The following PPFIA2 variants were observed in gnomAD, a reference collection of about 807,000 sequenced individuals.
PPFIA2 encodes the protein liprin-alpha-2.
Under a neutral mutation model 175.5 loss-of-function variants are expected in PPFIA2, and 46 were observed. The ratio of observed to expected loss-of-function variants is 0.26; its 90% confidence interval spans 0.21 to 0.34. The LOEUF is 0.34. PPFIA2 is among the 10% of genes least tolerant of loss of function. The pLI, the probability that PPFIA2 is intolerant of heterozygous loss-of-function variation, is 1.00. For missense variants in PPFIA2, 1,179 were observed against 1,506.1 expected, an observed-to-expected ratio of 0.78 and a Z score of 3.60; for synonymous variants, 568 against 511.4, an observed-to-expected ratio of 1.11 and a Z score of -1.49.
intron 4 of PPFIA2, among the ~76,000 whole-genome samples, chr12:81,551,683 C>T (rs1027375809): frequency 6.6e-6 from 1 of 151,792 alleles, no homozygotes; most frequent in African/African-American, 2.4e-5. Context: ...TTTATAGTTA[C>T]TTATTTGTGT....
chr12:81,318,703 A>G (rs2052979646), intron 22 of PPFIA2, among the ~76,000 whole-genome samples: 1 of 151,648 alleles, frequency 6.6e-6, no homozygotes, highest in Admixed American at 6.6e-5. Flanking sequence ...CCCTTTGGTT[A>G]TTTGTCTTTA....
At chr12:81,462,991 T>C (rs1215992245) in intron 4 of PPFIA2, among the ~76,000 whole-genome samples, 1 of 152,070 alleles carries the variant, frequency 6.6e-6, no homozygotes, top group East Asian at 1.9e-4. Context: ...TTAACTAATA[T>C]GGTATTTCTC....
intron 4 of PPFIA2, among the ~76,000 whole-genome samples, chr12:81,479,417 C>A (rs765505639): frequency 1.3e-5 from 2 of 152,044 alleles, no homozygotes; most frequent in Non-Finnish European, 2.9e-5. Context: ...GGGCATTTAG[C>A]CTTTACATTT....
intron 11 of PPFIA2, among the ~76,000 whole-genome samples, chr12:81,371,790 T>C (rs1275193806): frequency 6.6e-6 from 1 of 151,792 alleles, no homozygotes; most frequent in African/African-American, 2.4e-5. Context: ...GTAATCTTTA[T>C]TGGTTAATTG....
At chr12:81,318,632 G>A (rs962115838) in intron 22 of PPFIA2, among the ~76,000 whole-genome samples, 2 of 151,712 alleles carry the variant, frequency 1.3e-5, no homozygotes, top group Non-Finnish European at 3.0e-5. Context: ...AATCATGTGT[G>A]AAAGTGCTGG....
intron 4 of PPFIA2, among the ~76,000 whole-genome samples, chr12:81,574,204 T>C (rs887475052): frequency 5.9e-5 from 9 of 151,926 alleles, no homozygotes; most frequent in South Asian, 4.1e-4. Context: ...GAAGGTTGCA[T>C]GCCACTCCTT....
chr12:81,676,765 T>A, intron 4 of PPFIA2, 26 bp downstream of exon 4: 1 of 1,516,964 alleles, frequency 6.6e-7, no homozygotes, highest in Non-Finnish European at 8.9e-7. Flanking sequence ...CATCAATAGT[T>A]AAATTTAATG....
At chr12:81,279,750 C>T (rs1040588233) in intron 27 of PPFIA2, among the ~76,000 whole-genome samples, 40 of 151,862 alleles carry the variant, frequency 2.6e-4, no homozygotes, top group Non-Finnish European at 7.4e-5. Flanking sequence ...TAGTGAAGAA[C>T]GGAAAAACCG....
intron 4 of PPFIA2, among the ~76,000 whole-genome samples, chr12:81,617,286 TCACATTTATCCAAGATCCA>T (rs2061503592): frequency 2.0e-5 from 3 of 152,208 alleles, no homozygotes; most frequent in African/African-American, 7.2e-5. Flanking sequence ...AATTATCTTT[TCACATTTATCCAAGATCCA>T]GCTCCAGTGT....
intron 7 of PPFIA2, among the ~76,000 whole-genome samples, chr12:81,413,295 G>T (rs2044336524): frequency 6.6e-6 from 1 of 151,536 alleles, no homozygotes; most frequent in Non-Finnish European, 1.5e-5. Context: ...ATGAGGAGTT[G>T]GAAAAATTGG....
chr12:81,709,589 A>AT (rs1479080382), intron 3 of PPFIA2, among the ~76,000 whole-genome samples: 43 of 152,008 alleles, frequency 2.8e-4, no homozygotes, highest in Admixed American at 6.6e-5. Context: ...TACAAAGTTA[A>AT]TTTTTTTGCT....
At chr12:81,305,160 C>T (rs1013643501) in intron 22 of PPFIA2, among the ~76,000 whole-genome samples, 4 of 152,028 alleles carry the variant, frequency 2.6e-5, no homozygotes, top group African/African-American at 7.2e-5. Flanking sequence ...CTCTTTGAGA[C>T]TTAATTTTCC....
Position 81,684,588 on chromosome 12 carries a change from T to A in PPFIA2, c.250-7744A>T, listed in dbSNP as rs1006206208. ...TGTGTCTTATTTTTGTATAACTGTATCACTTTGAAAGCATGGCTGAAAGCA... is the reference window on the plus strand; with the variant it reads ...TGTGTCTTATTTTTGTATAACTGTAACACTTTGAAAGCATGGCTGAAAGCA... On this transcript the variant is annotated intron_variant, in intron 3 of 32. Transcript: ENST00000549396. 5.9e-5 allele frequency among the ~76,000 whole-genome samples: 9 copies of A among 152,158 alleles called. 1 individual carries two copies. In the East Asian group the frequency reaches 1.5e-3, roughly 26 times the overall value.
intron 8 of PPFIA2, among the ~76,000 whole-genome samples, chr12:81,385,353 A>G (rs1018042827): frequency 2.0e-5 from 3 of 152,168 alleles, no homozygotes; most frequent in African/African-American, 7.2e-5. Context: ...ACTTCTGGGT[A>G]TATAACCAAA....
intron 4 of PPFIA2, among the ~76,000 whole-genome samples, chr12:81,596,080 T>C (rs753030516): frequency 1.2e-4 from 18 of 152,122 alleles, no homozygotes; most frequent in Non-Finnish European, 2.5e-4. Context: ...TTTGTTTTTA[T>C]AGCATTTCAA....
chr12:81,288,956 G>A (rs970694146), intron 24 of PPFIA2, among the ~76,000 whole-genome samples: 1 of 151,774 alleles, frequency 6.6e-6, no homozygotes, highest in Non-Finnish European at 1.5e-5. Flanking sequence ...CTAAAAGAAT[G>A]CTATAAAAAG....
At chr12:81,632,506 T>G (rs1435677596) in intron 4 of PPFIA2, among the ~76,000 whole-genome samples, 1 of 152,110 alleles carries the variant, frequency 6.6e-6, no homozygotes, top group Non-Finnish European at 1.5e-5. Flanking sequence ...AATGCAAAAG[T>G]AGTTTGCAAA....
At chr12:81,274,959 A>C (rs2040139569) in intron 28 of PPFIA2, among the ~76,000 whole-genome samples, 1 of 152,200 alleles carries the variant, frequency 6.6e-6, no homozygotes, top group African/African-American at 2.4e-5. Context: ...TATAGGGCCA[A>C]CTGGGTAATT....
At chr12:81,644,476 T>C (rs995686839) in intron 4 of PPFIA2, among the ~76,000 whole-genome samples, 1 of 152,032 alleles carries the variant, frequency 6.6e-6, no homozygotes, top group Admixed American at 6.6e-5. Context: ...TTAATACTTA[T>C]AAAAAAGTAA....
Sources: gnomAD v4.1 joint callset for allele counts (sites outside exome capture counted in the v4.1 genomes callset) on GRCh38, gnomAD v4.1.1 for gene constraint, MANE v1.5 for transcripts, NCBI Gene and HGNC (gene_info 2026-07-23, HGNC 2026-07-21) for gene names.